The following CRBN variants were observed in gnomAD, a reference collection of about 807,000 sequenced individuals.
CRBN encodes protein cereblon.
A neutral mutation model predicts 62.2 loss-of-function variants in CRBN; 53 were observed. The ratio of observed to expected loss-of-function variants is 0.85; its 90% CI spans 0.68 to 1.07. The LOEUF is 1.07. CRBN is among the 50% of genes least tolerant of loss of function. The pLI is 0.00. For missense variants in CRBN, 616 were observed against 531.1 expected, an observed-to-expected ratio of 1.16 and a Z score of -1.57; for synonymous variants, 208 against 176.1, an observed-to-expected ratio of 1.18 and a Z score of -1.43.
chr3:3,160,178 C>T (rs961658162), intron 5 of CRBN, among the ~76,000 whole-genome samples: 22 of 152,206 alleles, frequency 1.4e-4, no homozygotes, highest in South Asian at 2.1e-4. Flanking sequence ...CTCCCAACAA[C>T]GTAGAATGTT....
chr3:3,154,921 A>G (rs1706816022), intron 6 of CRBN, 90 bp from the exon 7 acceptor site: 2 of 781,682 alleles, frequency 2.6e-6, no homozygotes. Flanking sequence ...TAACACTGGT[A>G]GCAATTTAAT....
chr3:3,161,375 T>C (rs1272726742), intron 5 of CRBN, among the ~76,000 whole-genome samples: 1 of 152,216 alleles, frequency 6.6e-6, no homozygotes, highest in Non-Finnish European at 1.5e-5. Flanking sequence ...ATTTCACTTA[T>C]CAGATCAGCA....
Position 3,169,103 on chromosome 3 carries a change from A to T in CRBN, c.528-1310T>A, listed in dbSNP as rs535159783. 1.2e-4 allele frequency among the ~76,000 whole-genome samples: 19 copies of T among 152,318 alleles called. No homozygotes were observed. The East Asian group carries it at 3.7e-3, about 29-fold the overall frequency. ...CTATGCTTTACCCAACTATTGTATAAGATTTGATTATGATAAAAACAGTAA... is the reference window on the plus strand; with the variant it reads ...CTATGCTTTACCCAACTATTGTATATGATTTGATTATGATAAAAACAGTAA... On this transcript the variant is annotated intron_variant, in intron 4 of 10. Coordinates refer to ENST00000231948, the MANE Select transcript of CRBN (RefSeq NM_016302.4).
intron 5 of CRBN, among the ~76,000 whole-genome samples, chr3:3,159,861 G>T (rs941180690): frequency 6.6e-6 from 1 of 152,104 alleles, no homozygotes; most frequent in Non-Finnish European, 1.5e-5. Flanking sequence ...AATAGGAAAG[G>T]CTCCTGTCTT....
chr3:3,163,260 G>C (rs150924107), intron 5 of CRBN, among the ~76,000 whole-genome samples: 1,668 of 152,312 alleles, frequency 0.011, 29 homozygotes, highest in Middle Eastern at 0.027. Flanking sequence ...GGAGTTATTT[G>C]TATCACCTAA....
chr3:3,152,602 C>G lies in CRBN; in HGVS notation c.1017-15G>C. 1.2e-6 allele frequency: 2 copies of G among 1,613,860 alleles called. No individual in the cohort carries two copies. Among genetic ancestry groups the G allele is most frequent in the Non-Finnish European group, 1.7e-6 (2 of 1,179,918 alleles). ...ATAAGGATAAACTAAAACAAAGAAT[C>G]AACATGGAGAACACGTCAAAACGAG... On this transcript the variant is annotated splice_polypyrimidine_tract_variant and intron_variant, in intron 9 of 10. Coordinates refer to ENST00000231948, the MANE Select transcript of CRBN (RefSeq NM_016302.4).
In CRBN at chr3:3,150,079, G is replaced by T. The variant is rs542168380; in HGVS notation, c.*786C>A. On this transcript the variant is annotated 3_prime_UTR_variant, in exon 11 of 11. Coordinates refer to ENST00000231948, the MANE Select transcript of CRBN (RefSeq NM_016302.4). ...AATTTACATTGAACAAAATAATACA[G>T]TATCAAGTTTAGTCTGGGTGAGGGG... 2.6e-5 allele frequency: 4 copies of T among 152,268 alleles called. No individual in the cohort carries two copies. In the South Asian group the frequency reaches 8.3e-4, roughly 31 times the overall value. 9.4% of individuals were successfully genotyped at this position (152,268 alleles called of 1,614,324 possible). A position where few individuals can be genotyped will look rare whatever the true frequency, so the allele number is the denominator to read the frequency against.
chr3:3,165,411 G>A (rs1242236815), intron 5 of CRBN, among the ~76,000 whole-genome samples: 1 of 152,038 alleles, frequency 6.6e-6, no homozygotes, highest in Non-Finnish European at 1.5e-5. Context: ...TCAATCTGTG[G>A]GGCAAACTTC....
chr3:3,159,055 G>A (rs1245162732), intron 5 of CRBN, among the ~76,000 whole-genome samples: 1 of 152,152 alleles, frequency 6.6e-6, no homozygotes, highest in Admixed American at 6.5e-5. Context: ...AGAAGAACAT[G>A]TTTGCTTCCC....
At chr3:3,156,861 TG>T (rs1559245294) in intron 5 of CRBN, 1 of 152,484 alleles carries the variant, frequency 6.6e-6, no homozygotes, top group East Asian at 1.9e-4. Context: ...AACAGGAGCA[TG>T]CCTAAGTCCA....
rs1357698980 is a variant in CRBN, at chr3:3,152,473, T to C, written c.1131A>G (p.Glu377=). The change falls in exon 10 of 11, where the codon GAA becomes GAG. Residue 377 remains glutamate, a synonymous_variant. Coordinates refer to ENST00000231948, the MANE Select transcript of CRBN (RefSeq NM_016302.4). The part of the protein sequence containing the change: ...NLNLIGRPST[E]HSWFPGYAWT... ...AATATTACCCAGGAAACCAGCTGTG[T>C]TCTGTAGAAGGCCGGCCTATCAGAT... The C allele has an allele frequency of 1.9e-6, 3 of 1,613,592 alleles. No individual in the cohort carries two copies. In the East Asian group the frequency reaches 6.7e-5, roughly 36 times the overall value.
At chr3:3,179,511 G>A in intron 1 of CRBN, 110 bp downstream of exon 1, 1 of 1,062,362 alleles carries the variant, frequency 9.4e-7, no homozygotes, top group African/African-American at 1.6e-5. Context: ...CTGCTGGGCT[G>A]GCTCGCCAGG....
At chr3:3,154,476 T>C (rs1706792771) in intron 7 of CRBN, 1 of 502,040 alleles carries the variant, frequency 2.0e-6, no homozygotes, top group African/African-American at 1.9e-5. Flanking sequence ...ACACAGGAAG[T>C]GTTTTTGGAT....
At chr3:3,178,493 G>C (rs1317369079) in intron 1 of CRBN, among the ~76,000 whole-genome samples, 1 of 152,154 alleles carries the variant, frequency 6.6e-6, no homozygotes, top group Non-Finnish European at 1.5e-5. Context: ...CAGCAACTTA[G>C]ACCCAATATA....
chr3:3,151,877 G>A (rs1706581615), intron 10 of CRBN, among the ~76,000 whole-genome samples: 1 of 152,230 alleles, frequency 6.6e-6, no homozygotes. Flanking sequence ...AATGGGTTCT[G>A]CACCTTCTTA....
intron 4 of CRBN, among the ~76,000 whole-genome samples, chr3:3,169,888 G>A (rs142164512): frequency 0.028 from 1,146 of 41,440 alleles, 18 homozygotes; most frequent in African/African-American, 0.039. Context: ...AGTGAGACCT[G>A]TTTTTATTAA....
In CRBN at chr3:3,172,819, T is replaced by G; in HGVS notation, c.484A>C (p.Arg162=). 6.2e-7 allele frequency: 1 copy of G among 1,614,076 alleles called. No homozygotes were observed. Among genetic ancestry groups the G allele is most frequent in the Non-Finnish European group, 8.5e-7 (1 of 1,179,922 alleles). ...AGCTCAAGGACTTTGAACCTTTGTC[T>G]TCCAATTGCTTTCACTTTCACTATC... ...IEIVKVKAIG[R]QRFKVLELRT... The change falls in exon 4 of 11, where the codon AGA becomes CGA. Residue 162 remains arginine, a synonymous_variant. Transcript: ENST00000231948.
chr3:3,167,957 T>G (rs1208498331), intron 4 of CRBN, among the ~76,000 whole-genome samples, 164 bp from the exon 5 acceptor site: 1 of 152,026 alleles, frequency 6.6e-6, no homozygotes, highest in Non-Finnish European at 1.5e-5. Context: ...TTTCAGAAAA[T>G]AATTTTATTT....
At chr3:3,176,296 C>G (rs2126070121) in intron 1 of CRBN, among the ~76,000 whole-genome samples, 1 of 152,312 alleles carries the variant, frequency 6.6e-6, no homozygotes, top group South Asian at 2.1e-4. Flanking sequence ...CTCTCAAACT[C>G]TCAACTTCAA....
Sources: gnomAD v4.1 joint callset for allele counts (sites outside exome capture counted in the v4.1 genomes callset) on GRCh38, gnomAD v4.1.1 for gene constraint, MANE v1.5 for transcripts, NCBI Gene and HGNC (gene_info 2026-07-23, HGNC 2026-07-21) for gene names.